ADGRL4: variants seen among roughly 807,000 people sequenced by gnomAD.
ADGRL4 encodes the protein EGF, latrophilin and seven transmembrane domain containing 1.
ADGRL4 carries 90 observed loss-of-function variants against 74.8 expected under a neutral mutation model. The ratio of observed to expected loss-of-function variants is 1.20; its 90% CI spans 1.02 to 1.43. The LOEUF is 1.43. Among genes scored for constraint, ADGRL4 ranks in the 40% most tolerant of loss-of-function variants. ADGRL4 has a pLI of 0.00. For synonymous variants in ADGRL4, 311 were observed against 279.2 expected (o/e 1.11, Z -1.14); for missense variants, 881 against 814.3 (o/e 1.08, Z -1.00).
chr1:78,892,965 A>G, intron 13 of ADGRL4, 133 bp downstream of exon 13: 1 of 603,200 alleles, frequency 1.7e-6, no homozygotes, highest in Non-Finnish European at 2.8e-6. Context: ...CTATTTTCCG[A>G]TGCGTCTTTT....
chr1:78,997,199 A>G (rs1450063987), intron 2 of ADGRL4, among the ~76,000 whole-genome samples: 2 of 152,168 alleles, frequency 1.3e-5, no homozygotes, highest in African/African-American at 2.4e-5. Context: ...TCAAATCGGG[A>G]TATAAAAAGG....
At chr1:78,921,866 C>G in intron 8 of ADGRL4, 80 bp from the exon 9 acceptor site, 1 of 771,468 alleles carries the variant, frequency 1.3e-6, no homozygotes, top group Non-Finnish European at 1.9e-6. Context: ...TAAAATACCA[C>G]TAATGTGATT....
chr1:78,930,062 C>A (rs1649205831), intron 7 of ADGRL4, among the ~76,000 whole-genome samples: 1 of 151,254 alleles, frequency 6.6e-6, no homozygotes, highest in Non-Finnish European at 1.5e-5. Flanking sequence ...ATTTTTGCTT[C>A]ATTTATGGCT....
In ADGRL4 at chr1:78,928,792, C is replaced by A. The variant is rs566060726; in HGVS notation, c.878-1701G>T. On this transcript the variant is annotated intron_variant, in intron 7 of 14. Transcript: ENST00000370742. ...TTATTCCTATTTTGTTTTGTTGCTT[C>A]CAATTCTTTTGAATGAAATTAATAG... 6.3e-4 allele frequency among the ~76,000 whole-genome samples: 95 copies of A among 151,610 alleles called. 3 individuals are homozygous for A. The highest frequency in any genetic ancestry group is 2.1e-3 in the African/African-American group (88 of 40,968).
intron 2 of ADGRL4, among the ~76,000 whole-genome samples, chr1:78,990,196 C>T (rs1039867822): frequency 5.3e-5 from 8 of 151,816 alleles, no homozygotes; most frequent in African/African-American, 1.2e-4. Flanking sequence ...TATCTGTACT[C>T]GATATCTAAT....
Position 78,921,772 on chromosome 1 carries a change from A to C in ADGRL4, c.1098T>G (p.Tyr366Ter). The change falls in exon 9 of 15, where the codon TAT (tyrosine) becomes TAG (stop). Residue 366 changes from tyrosine (Y) to a stop codon, truncating the protein, a stop_gained. Transcript: ENST00000370742. LOFTEE classifies it high-confidence loss of function. Reference protein sequence around the residue: ...TLSHRKVTDRYRSLCAFWNYS... With the variant: ...TLSHRKVTDR ...AATTCCAAAATGCACATAGACTCCT[A>C]TACCTATCTGTGACCTGAAAAAAAG... 6.6e-7 allele frequency: 1 copy of C among 1,518,538 alleles called. No individual in the cohort carries two copies. The highest frequency in any genetic ancestry group is 1.3e-5 in the South Asian group (1 of 77,292). The allele number at this position is 1,518,538 out of a possible 1,614,324, so 94.1% of individuals were successfully genotyped here.
intron 1 of ADGRL4, among the ~76,000 whole-genome samples, chr1:79,006,106 A>C (rs1650956927): frequency 6.6e-6 from 1 of 152,220 alleles, no homozygotes; most frequent in South Asian, 2.1e-4. Context: ...ATGAAGCATG[A>C]GGTCATTGTT....
intron 7 of ADGRL4, among the ~76,000 whole-genome samples, chr1:78,933,658 C>T (rs927899832): frequency 1.3e-5 from 2 of 151,366 alleles, no homozygotes; most frequent in Non-Finnish European, 2.9e-5. Context: ...TTGCAGATGA[C>T]ATGTTTGTTT....
intron 3 of ADGRL4, among the ~76,000 whole-genome samples, chr1:78,942,670 T>C (rs961385541): frequency 2.7e-5 from 4 of 150,452 alleles, no homozygotes; most frequent in African/African-American, 9.7e-5. Context: ...GGCTCACACC[T>C]GTAATCCCAG....
intron 7 of ADGRL4, among the ~76,000 whole-genome samples, chr1:78,934,876 A>G (rs752074911): frequency 2.2e-4 from 33 of 152,228 alleles, no homozygotes; most frequent in Non-Finnish European, 3.8e-4. Flanking sequence ...GCCAGTCAGA[A>G]GGGTGATTAT....
chr1:78,942,033 A>G (rs1316904458), intron 3 of ADGRL4, among the ~76,000 whole-genome samples: 1 of 152,036 alleles, frequency 6.6e-6, no homozygotes, highest in Non-Finnish European at 1.5e-5. Context: ...CCCCGTCTCT[A>G]CTAAAAATAC....
intron 2 of ADGRL4, among the ~76,000 whole-genome samples, chr1:78,947,317 T>C (rs765205407): frequency 3.9e-5 from 6 of 152,078 alleles, no homozygotes; most frequent in Non-Finnish European, 5.9e-5. Flanking sequence ...AATTCAATGA[T>C]TGACATCCTT....
At chr1:78,966,082 A>G (rs1475106467) in intron 2 of ADGRL4, among the ~76,000 whole-genome samples, 1 of 152,148 alleles carries the variant, frequency 6.6e-6, no homozygotes, top group Non-Finnish European at 1.5e-5. Context: ...GAAAACAAAT[A>G]AGCTACAGAG....
intron 2 of ADGRL4, among the ~76,000 whole-genome samples, chr1:78,951,938 C>T (rs1649731226): frequency 6.6e-6 from 1 of 152,016 alleles, no homozygotes; most frequent in Admixed American, 6.6e-5. Context: ...CATTTTTGAC[C>T]ATAAACCATA....
Position 78,920,227 on chromosome 1 carries a change from C to A in ADGRL4, c.1417G>T (p.Ala473Ser). Residue 473 changes from alanine to serine, a missense_variant, in exon 10 of 15, where the codon GCT becomes TCT. Transcript: ENST00000370742. ...ATCCCAACAAGAAAAACAAGTTCAG[C>A]AAGAAATAGGCTACAGCAAAGATTT... ...HKNLCCSLFL[A>S]ELVFLVGINT... 1 of 1,611,738 alleles carries A rather than the reference C, an allele frequency of 6.2e-7. No individual in the cohort carries two copies. Among genetic ancestry groups the A allele is most frequent in the Non-Finnish European group, 8.5e-7 (1 of 1,178,722 alleles).
At chr1:78,991,824 A>G (rs1350798648) in intron 2 of ADGRL4, among the ~76,000 whole-genome samples, 1 of 151,982 alleles carries the variant, frequency 6.6e-6, no homozygotes, top group Non-Finnish European at 1.5e-5. Flanking sequence ...TCTAATGGCA[A>G]AAAGGGATTA....
intron 2 of ADGRL4, among the ~76,000 whole-genome samples, chr1:78,962,322 C>G (rs1570256997): frequency 6.6e-6 from 1 of 152,100 alleles, no homozygotes; most frequent in Non-Finnish European, 1.5e-5. Flanking sequence ...ATTTTTTCCT[C>G]CACATATGAT....
Position 78,920,383 on chromosome 1 carries a change from T to G in ADGRL4, c.1261A>C (p.Ile421Leu). The G allele has an allele frequency of 1.9e-6, 3 of 1,553,682 alleles. No individual in the cohort carries two copies. The highest frequency in any genetic ancestry group is 2.7e-6 in the Non-Finnish European group (3 of 1,129,408). The stretch of plus-strand genomic sequence containing the variant: ...CTTGTAAGAATATTATAATCTTTAA[T>G]ACCCTAAGGGAAAATAATAATAAAG... The part of the protein sequence containing the change: ...ILMSSGPSIG[I>L]KDYNILTRIT... Residue 421 changes from isoleucine (I) to leucine (L), a missense_variant, in exon 10 of 15, where the codon ATT becomes CTT. Physicochemically the swap from Ile to Leu is conservative, Grantham distance 5 (BLOSUM62 2). Coordinates refer to ENST00000370742, the MANE Select transcript of ADGRL4 (RefSeq NM_022159.4).
At chr1:78,954,599 T>C (rs930906522) in intron 2 of ADGRL4, among the ~76,000 whole-genome samples, 1 of 152,160 alleles carries the variant, frequency 6.6e-6, no homozygotes, top group Non-Finnish European at 1.5e-5. Flanking sequence ...TAAACATACT[T>C]AAATTTTAAA....
Sources: gnomAD v4.1 joint callset for allele counts (sites outside exome capture counted in the v4.1 genomes callset) on GRCh38, gnomAD v4.1.1 for gene constraint, MANE v1.5 for transcripts, NCBI Gene and HGNC (gene_info 2026-07-23, HGNC 2026-07-21) for gene names.